Variants in ADGRV1 observed in about 807,000 individuals in gnomAD.
ADGRV1 encodes G-protein coupled receptor 98.
Under a neutral mutation model 596.2 loss-of-function variants are expected in ADGRV1, and 359 were observed. The ratio of observed to expected loss-of-function variants is 0.60; its 90% confidence interval spans 0.55 to 0.66. The LOEUF (loss-of-function observed/expected upper bound fraction) is 0.66. ADGRV1 is among the 30% of genes least tolerant of loss of function. The pLI, the probability that ADGRV1 is intolerant of heterozygous loss-of-function variation, is 0.00. For synonymous variants in ADGRV1, 2,681 were observed against 2,679.2 expected, an observed-to-expected ratio of 1.00 and a Z score of -0.02; for missense variants, 7,274 against 7,575.6, an observed-to-expected ratio of 0.96 and a Z score of 1.48.
At chr5:90,797,669 T>A (rs1379194225) in intron 70 of ADGRV1, among the ~76,000 whole-genome samples, 4 of 152,170 alleles carry the variant, frequency 2.6e-5, no homozygotes, top group Admixed American at 1.3e-4. Flanking sequence ...ATCAACGGAA[T>A]ATATCTTCTT....
At chr5:91,124,547 T>C (rs184980282) in intron 87 of ADGRV1, among the ~76,000 whole-genome samples, 13 of 152,270 alleles carry the variant, frequency 8.5e-5, no homozygotes, top group African/African-American at 2.6e-4. Flanking sequence ...AAATAGTTTA[T>C]CTGGAGATTG....
chr5:90,931,793 G>A (rs1243153215), intron 83 of ADGRV1, among the ~76,000 whole-genome samples: 1 of 152,080 alleles, frequency 6.6e-6, no homozygotes, highest in Non-Finnish European at 1.5e-5. Flanking sequence ...CACTCTTTCT[G>A]GACAGGCATA....
chr5:90,849,400 AT>A (rs1437648579), intron 79 of ADGRV1, among the ~76,000 whole-genome samples: 2 of 151,976 alleles, frequency 1.3e-5, no homozygotes, highest in Admixed American at 6.6e-5. Context: ...CTATATATAT[AT>A]TTTTTTAGAT....
intron 83 of ADGRV1, among the ~76,000 whole-genome samples, chr5:90,960,429 T>C (rs915610054): frequency 6.6e-6 from 1 of 152,184 alleles, no homozygotes; most frequent in Non-Finnish European, 1.5e-5. Flanking sequence ...CCGTGTTCTC[T>C]TTTTTACAAA....
intron 83 of ADGRV1, among the ~76,000 whole-genome samples, chr5:90,939,740 A>G (rs965448062): frequency 1.6e-4 from 24 of 152,162 alleles, no homozygotes; most frequent in African/African-American, 5.5e-4. Flanking sequence ...TAAAATAATA[A>G]TACCTGATAC....
intron 20 of ADGRV1, among the ~76,000 whole-genome samples, chr5:90,656,224 C>T (rs1769389159): frequency 6.6e-6 from 1 of 152,142 alleles, no homozygotes; most frequent in South Asian, 2.1e-4. Flanking sequence ...TAATGTTTTA[C>T]ATTTATAAGG....
At chr5:90,741,407 T>C (rs1220077293) in intron 50 of ADGRV1, among the ~76,000 whole-genome samples, 1 of 152,190 alleles carries the variant, frequency 6.6e-6, no homozygotes, top group African/African-American at 2.4e-5. Context: ...TTGAGTAAAT[T>C]ATGTATCTTT....
intron 7 of ADGRV1, 52 bp downstream of exon 7, chr5:90,627,828 G>T: frequency 8.4e-7 from 1 of 1,194,802 alleles, no homozygotes; most frequent in South Asian, 1.9e-5. Context: ...TATTATTCCA[G>T]ATTTAAGTTT....
At chr5:90,705,935 GCC>G (rs887958188) in intron 37 of ADGRV1, among the ~76,000 whole-genome samples, 2 of 152,046 alleles carry the variant, frequency 1.3e-5, no homozygotes, top group African/African-American at 4.8e-5. Flanking sequence ...AATGTGTAAG[GCC>G]CCCTGAGGTC....
At chr5:91,074,213 A>G (rs1229635763) in intron 86 of ADGRV1, among the ~76,000 whole-genome samples, 4 of 152,108 alleles carry the variant, frequency 2.6e-5, no homozygotes, top group Admixed American at 1.3e-4. Context: ...GTGCATGTTT[A>G]TTATGTAGAT....
intron 20 of ADGRV1, among the ~76,000 whole-genome samples, chr5:90,656,116 A>C (rs1024089706): frequency 1.3e-5 from 2 of 152,234 alleles, no homozygotes; most frequent in African/African-American, 2.4e-5. Context: ...TTAGCATTGT[A>C]ACTTAAGTAG....
chr5:90,826,723 A>G (rs1764108900), intron 76 of ADGRV1, among the ~76,000 whole-genome samples: 1 of 152,240 alleles, frequency 6.6e-6, no homozygotes, highest in South Asian at 2.1e-4. Context: ...TATTGCAGAC[A>G]CAACAAATGC....
intron 82 of ADGRV1, among the ~76,000 whole-genome samples, chr5:90,857,725 C>T (rs949810491): frequency 6.6e-6 from 1 of 152,174 alleles, no homozygotes; most frequent in African/African-American, 2.4e-5. Context: ...GCTCATCCCT[C>T]AGGGCTGGAT....
intron 85 of ADGRV1, among the ~76,000 whole-genome samples, chr5:91,034,086 A>G (rs1250035566): frequency 1.3e-5 from 2 of 152,180 alleles, no homozygotes; most frequent in African/African-American, 4.8e-5. Context: ...GATTTTTTCT[A>G]TAGATACTAA....
In ADGRV1 at chr5:91,013,282, C is replaced by T. The variant is rs143239040; in HGVS notation, c.18152+27760C>T. Among the ~76,000 whole-genome samples the T allele has an allele frequency of 2.3e-3, 350 of 152,136 alleles. 4 individuals are homozygous for T. Among genetic ancestry groups the T allele is most frequent in the Admixed American group, 0.013 (203 of 15,242 alleles). ...ATCTGCTTTTAGCTCTTTGAGGAAT[C>T]ACCATACTGCTTTCCACAATGGTTG... On this transcript the variant is annotated intron_variant, in intron 85 of 89. Coordinates refer to ENST00000405460, the MANE Select transcript of ADGRV1 (RefSeq NM_032119.4).
At chr5:90,847,411 A>G (rs1765999862) in intron 78 of ADGRV1, among the ~76,000 whole-genome samples, 1 of 152,146 alleles carries the variant, frequency 6.6e-6, no homozygotes, top group African/African-American at 2.4e-5. Context: ...AGCTAGACAT[A>G]TTCTCCAAGT....
chr5:90,970,749 T>C (rs1236579995), intron 84 of ADGRV1, among the ~76,000 whole-genome samples: 1 of 151,784 alleles, frequency 6.6e-6, no homozygotes, highest in Admixed American at 6.6e-5. Context: ...ACCACAAAGA[T>C]GGGGAAAAAA....
intron 87 of ADGRV1, among the ~76,000 whole-genome samples, chr5:91,110,132 A>T (rs559456721): frequency 4.6e-5 from 7 of 152,218 alleles, no homozygotes; most frequent in South Asian, 4.1e-4. Flanking sequence ...CCTCTATTTT[A>T]AAAAAATTGA....
At chr5:90,932,232 A>G (rs986996483) in intron 83 of ADGRV1, among the ~76,000 whole-genome samples, 1 of 152,132 alleles carries the variant, frequency 6.6e-6, no homozygotes, top group African/African-American at 2.4e-5. Context: ...CAAATATCCC[A>G]TTTCATTTTC....
Sources: allele counts gnomAD v4.1 joint callset (sites outside exome capture counted in the v4.1 genomes callset), GRCh38; gene constraint gnomAD v4.1.1; transcripts MANE v1.5; gene names NCBI Gene and HGNC (gene_info 2026-07-23, HGNC 2026-07-21).